PTPRD: variants seen among roughly 807,000 people sequenced by gnomAD.
PTPRD encodes the protein receptor-type tyrosine-protein phosphatase delta.
A neutral mutation model predicts 214.5 loss-of-function variants in PTPRD; 34 were observed. That is an observed-to-expected ratio of 0.16 (90% CI 0.12 to 0.21). The LOEUF is 0.21. PTPRD is among the 10% of genes least tolerant of loss of function. PTPRD has a pLI of 1.00. For missense variants in PTPRD, 2,545 were observed against 2,398.7 expected (o/e 1.06, Z -1.27); for synonymous variants, 1,128 against 845.7 (o/e 1.33, Z -5.79).
chr9:9,009,212 G>A (rs931018610), intron 11 of PTPRD, among the ~76,000 whole-genome samples: 1 of 151,756 alleles, frequency 6.6e-6, no homozygotes, highest in African/African-American at 2.4e-5. Flanking sequence ...TATATACACA[G>A]CATCAAAATC....
intron 9 of PTPRD, among the ~76,000 whole-genome samples, chr9:9,365,806 C>T (rs921064792): frequency 1.3e-5 from 2 of 151,476 alleles, no homozygotes; most frequent in African/African-American, 4.8e-5. Context: ...AACTAAAGGC[C>T]TCATCTCCAA....
chr9:8,459,547 C>A (rs183897556), intron 33 of PTPRD, among the ~76,000 whole-genome samples: 2 of 151,946 alleles, frequency 1.3e-5, no homozygotes, highest in Admixed American at 1.3e-4. Flanking sequence ...ATTCTTAAGA[C>A]AGAAAGAATT....
intron 2 of PTPRD, among the ~76,000 whole-genome samples, chr9:10,562,707 C>G (rs553986994): frequency 3.3e-5 from 5 of 152,146 alleles, no homozygotes; most frequent in African/African-American, 1.2e-4. Flanking sequence ...ATTTCACTGA[C>G]TCAAATTTTC....
At chr9:8,814,558 G>C (rs1329166908) in intron 11 of PTPRD, among the ~76,000 whole-genome samples, 3 of 152,146 alleles carry the variant, frequency 2.0e-5, no homozygotes, top group African/African-American at 4.8e-5. Context: ...GGAAACCCTA[G>C]GTGACACGAG....
intron 11 of PTPRD, among the ~76,000 whole-genome samples, chr9:9,014,203 T>G (rs867394559): frequency 0.03 from 4,458 of 148,412 alleles, 92 homozygotes; most frequent in East Asian, 0.058. Context: ...TTGTTTGTTT[T>G]TTTTTTTTTT....
intron 12 of PTPRD, among the ~76,000 whole-genome samples, chr9:8,663,532 C>A (rs536971787): frequency 2.0e-5 from 3 of 151,938 alleles, no homozygotes; most frequent in African/African-American, 7.3e-5. Context: ...ACTCTGTTGC[C>A]CAGGCTGGAG....
At chr9:9,447,351 A>G (rs1393787918) in intron 8 of PTPRD, among the ~76,000 whole-genome samples, 2 of 152,140 alleles carry the variant, frequency 1.3e-5, no homozygotes, top group African/African-American at 4.8e-5. Flanking sequence ...AAATGAGATC[A>G]TGTCCTTTGC....
At chr9:9,878,544 A>G (rs986197777) in intron 5 of PTPRD, among the ~76,000 whole-genome samples, 5 of 152,222 alleles carry the variant, frequency 3.3e-5, no homozygotes, top group Admixed American at 3.3e-4. Flanking sequence ...AATGTAAGAG[A>G]CTTGGTAAGT....
chr9:9,390,777 G>A lies in PTPRD; in HGVS notation c.-203+6672C>T, dbSNP rs145816557. On this transcript the variant is annotated intron_variant, in intron 9 of 45. Transcript: ENST00000381196. ...AATTTCCTCACTTGGTCAAGCAGTT[G>A]CTGTGTGACTTTGAAAGAGTTATTA... Among the ~76,000 whole-genome samples, 167 of 152,258 alleles carry A rather than the reference G, an allele frequency of 1.1e-3. No homozygotes were observed. In the Middle Eastern group the frequency reaches 0.014, roughly 12 times the overall value.
chr9:8,460,705 A>AGAGGG, intron 32 of PTPRD, 134 bp from the exon 33 acceptor site: 1 of 806,736 alleles, frequency 1.2e-6, no homozygotes, highest in Non-Finnish European at 1.9e-6. Context: ...TTAGCAAAAC[A>AGAGGG]GAGGGGAGGG....
At chr9:9,501,442 T>C (rs1053284434) in intron 8 of PTPRD, among the ~76,000 whole-genome samples, 2 of 151,934 alleles carry the variant, frequency 1.3e-5, no homozygotes, top group Non-Finnish European at 2.9e-5. Context: ...TATATGTGTA[T>C]GCACCTAATA....
intron 9 of PTPRD, among the ~76,000 whole-genome samples, chr9:9,240,475 A>C (rs919244666): frequency 7.9e-5 from 12 of 152,164 alleles, no homozygotes; most frequent in African/African-American, 2.9e-4. Context: ...GTTCAAGACC[A>C]GCCTGGCCAG....
intron 40 of PTPRD, 78 bp from the exon 41 acceptor site, chr9:8,341,346 A>G: frequency 2.1e-6 from 3 of 1,416,538 alleles, no homozygotes; most frequent in Non-Finnish European, 2.9e-6. Flanking sequence ...AGTGTACCCC[A>G]GATTTCCCTT....
chr9:10,612,219 A>AAAAAG (rs1567208860), intron 2 of PTPRD, among the ~76,000 whole-genome samples, 179 bp downstream of exon 2: 1 of 151,534 alleles, frequency 6.6e-6, no homozygotes, highest in Non-Finnish European at 1.5e-5. Context: ...AAAAAAAAAA[A>AAAAAG]AAAAAGAAAA....
chr9:9,112,732 CTT>C (rs2099807794), intron 10 of PTPRD, among the ~76,000 whole-genome samples: 2 of 152,040 alleles, frequency 1.3e-5, no homozygotes, highest in Admixed American at 1.3e-4. Flanking sequence ...GAATTTTAGT[CTT>C]AACAAAATTG....
intron 14 of PTPRD, among the ~76,000 whole-genome samples, chr9:8,566,419 T>C (rs1045793863): frequency 3.3e-5 from 5 of 152,178 alleles, no homozygotes; most frequent in African/African-American, 1.2e-4. Context: ...GTTTGAACTA[T>C]AAGACTAACA....
rs775098888 is a variant in PTPRD at position 8,526,619 on chromosome 9, A to C, written c.568+8T>G. 1 of 1,580,508 alleles carries C rather than the reference A, an allele frequency of 6.3e-7. No homozygotes were observed. The highest frequency in any genetic ancestry group is 8.6e-7 in the Non-Finnish European group (1 of 1,161,956). On this transcript the variant is annotated splice_region_variant and intron_variant, in intron 17 of 45. Transcript: ENST00000381196. ...ATCATTCTGTGAACGTTAGTTCAGC[A>C]CTCTTACCTCTTATTGGTGTACCAC...
Position 10,596,137 on chromosome 9 carries a change from C to A in PTPRD, c.-600+16261G>T, listed in dbSNP as rs944295990. 2.0e-5 allele frequency among the ~76,000 whole-genome samples: 3 copies of A among 151,886 alleles called. No homozygotes were observed. In the South Asian group the frequency reaches 6.2e-4, roughly 31 times the overall value. ...GTTAGATAATAGGATGTCTGTTTCACAGATGAGAAAATGGCAGTTTTCTGA... is the reference window on the plus strand; with the variant it reads ...GTTAGATAATAGGATGTCTGTTTCAAAGATGAGAAAATGGCAGTTTTCTGA... On this transcript the variant is annotated intron_variant, in intron 2 of 45. Transcript: ENST00000381196.
chr9:9,834,431 G>T (rs2056099892), intron 5 of PTPRD, among the ~76,000 whole-genome samples: 1 of 152,004 alleles, frequency 6.6e-6, no homozygotes, highest in Non-Finnish European at 1.5e-5. Flanking sequence ...TCACCAATCA[G>T]GGTGAAAGTT....
Sources: allele counts gnomAD v4.1 joint callset (sites outside exome capture counted in the v4.1 genomes callset), GRCh38; gene constraint gnomAD v4.1.1; transcripts MANE v1.5; gene names NCBI Gene and HGNC (gene_info 2026-07-23, HGNC 2026-07-21).